RAD51B: variants seen among roughly 807,000 people sequenced by gnomAD.
The protein encoded by RAD51B is DNA repair protein RAD51 homolog 2.
In RAD51B, 38 loss-of-function variants were observed where a neutral mutation model predicts 42.2. That is an observed-to-expected ratio of 0.90 (90% confidence interval 0.70 to 1.18). RAD51B has a LOEUF of 1.18. Ranked by LOEUF, RAD51B falls within the 50% of genes most tolerant of loss-of-function variation. The pLI, the probability that RAD51B is intolerant of heterozygous loss-of-function variation, is 0.00. For synonymous variants in RAD51B, 154 were observed against 145.2 expected (o/e 1.06, Z -0.43); for missense variants, 373 against 400.7 (o/e 0.93, Z 0.59).
At chr14:68,003,494 A>G (rs1595239420) in intron 7 of RAD51B, among the ~76,000 whole-genome samples, 1 of 152,252 alleles carries the variant, frequency 6.6e-6, no homozygotes, top group East Asian at 1.9e-4. Context: ...CTCTCTTCCT[A>G]TTCGAATATC....
At chr14:67,889,602 A>T (rs2043159926) in intron 7 of RAD51B, among the ~76,000 whole-genome samples, 1 of 130,186 alleles carries the variant, frequency 7.7e-6, no homozygotes, top group Non-Finnish European at 1.6e-5. Context: ...TCTCTATTTG[A>T]ACTAGTACTA....
chr14:68,658,623 G>A (rs937204347), intron 11 of RAD51B, among the ~76,000 whole-genome samples: 6 of 152,136 alleles, frequency 3.9e-5, no homozygotes, highest in Non-Finnish European at 7.4e-5. Flanking sequence ...ATCCACAGAG[G>A]GAAACATGGA....
At chr14:68,578,484 A>G (rs1463270103) in intron 10 of RAD51B, among the ~76,000 whole-genome samples, 1 of 152,220 alleles carries the variant, frequency 6.6e-6, no homozygotes, top group Non-Finnish European at 1.5e-5. Context: ...GGCAGCTTTC[A>G]TGGAGGTTTC....
chr14:68,079,992 CAGAT>C (rs1474963457), intron 7 of RAD51B, among the ~76,000 whole-genome samples: 1 of 152,154 alleles, frequency 6.6e-6, no homozygotes, highest in Non-Finnish European at 1.5e-5. Flanking sequence ...TGGTAGTTAT[CAGAT>C]AGTTCACAAA....
chr14:67,956,355 C>T (rs1329733599), intron 7 of RAD51B, among the ~76,000 whole-genome samples: 4 of 152,088 alleles, frequency 2.6e-5, no homozygotes, highest in Non-Finnish European at 2.9e-5. Flanking sequence ...AGTATGGTGG[C>T]GGCCACCTGT....
chr14:68,574,920 G>A (rs1474045326), intron 10 of RAD51B, among the ~76,000 whole-genome samples: 1 of 151,928 alleles, frequency 6.6e-6, no homozygotes, highest in Non-Finnish European at 1.5e-5. Context: ...AAGCCCAGGA[G>A]CAAGAGAGGT....
At chr14:68,101,766 C>T (rs185372652) in intron 7 of RAD51B, among the ~76,000 whole-genome samples, 4 of 152,294 alleles carry the variant, frequency 2.6e-5, no homozygotes, top group Admixed American at 2.0e-4. Context: ...TTTCTCAGGT[C>T]TGGAGGACAG....
intron 7 of RAD51B, among the ~76,000 whole-genome samples, chr14:67,983,288 C>T (rs1595203557): frequency 6.6e-6 from 1 of 151,984 alleles, no homozygotes; most frequent in East Asian, 1.9e-4. Context: ...AAGCTCAAAT[C>T]TCATTGGTCT....
At chr14:68,534,823 A>G (rs1014091169) in intron 10 of RAD51B, among the ~76,000 whole-genome samples, 1 of 152,170 alleles carries the variant, frequency 6.6e-6, no homozygotes, top group Non-Finnish European at 1.5e-5. Flanking sequence ...CCAAGAACTA[A>G]AACAGTGCCT....
chr14:67,940,054 ATTTTTTTTTTTTTTTTTTTTTTT>A (rs1170220269), intron 7 of RAD51B, among the ~76,000 whole-genome samples: 3 of 14,544 alleles, frequency 2.1e-4, no homozygotes, highest in African/African-American at 6.8e-4. Flanking sequence ...ATATATATAT[ATTTTTTTTTTTTTTTTTTTTTTT>A]TTTTTTTTTT....
intron 7 of RAD51B, among the ~76,000 whole-genome samples, chr14:68,286,601 C>T (rs1298280966): frequency 1.3e-5 from 2 of 152,200 alleles, no homozygotes; most frequent in Non-Finnish European, 2.9e-5. Context: ...CCTGTACATT[C>T]TAGTACTCAT....
intron 9 of RAD51B, among the ~76,000 whole-genome samples, chr14:68,463,794 G>GT (rs1436331995): frequency 6.6e-6 from 1 of 152,128 alleles, no homozygotes; most frequent in Non-Finnish European, 1.5e-5. Flanking sequence ...CCACCTTCTT[G>GT]TTTGTCATTT....
At chr14:67,982,378 TTATAAG>T (rs1234258156) in intron 7 of RAD51B, among the ~76,000 whole-genome samples, 1 of 152,202 alleles carries the variant, frequency 6.6e-6, no homozygotes, top group African/African-American at 2.4e-5. Flanking sequence ...CACTAGCATA[TTATAAG>T]TATAATAAAT....
At chr14:68,210,636 ACTT>A (rs1354276393) in intron 7 of RAD51B, among the ~76,000 whole-genome samples, 2 of 152,078 alleles carry the variant, frequency 1.3e-5, no homozygotes, top group Non-Finnish European at 2.9e-5. Flanking sequence ...AAAACACTGA[ACTT>A]AAAATAGTTT....
At chr14:68,068,409 A>G (rs1248708864) in intron 7 of RAD51B, among the ~76,000 whole-genome samples, 1 of 152,148 alleles carries the variant, frequency 6.6e-6, no homozygotes, top group Non-Finnish European at 1.5e-5. Flanking sequence ...TCTTTGTAGA[A>G]TGTTCACTCA....
intron 7 of RAD51B, among the ~76,000 whole-genome samples, chr14:68,278,034 C>T (rs922652720): frequency 2.0e-5 from 3 of 152,198 alleles, no homozygotes; most frequent in Non-Finnish European, 4.4e-5. Context: ...TGAGCCACTG[C>T]GACCAGCCAG....
chr14:68,163,789 A>G (rs981080953), intron 7 of RAD51B, among the ~76,000 whole-genome samples: 1 of 152,176 alleles, frequency 6.6e-6, no homozygotes, highest in Admixed American at 6.5e-5. Context: ...ATAGAATTCA[A>G]TTTGCAGTTT....
chr14:67,974,501 A>G (rs2074953499), intron 7 of RAD51B, among the ~76,000 whole-genome samples: 1 of 152,130 alleles, frequency 6.6e-6, no homozygotes, highest in Non-Finnish European at 1.5e-5. Flanking sequence ...GAACATGTAA[A>G]TAATTTATAG....
At chr14:68,093,457 A>T (rs2077138157) in intron 7 of RAD51B, among the ~76,000 whole-genome samples, 1 of 152,032 alleles carries the variant, frequency 6.6e-6, no homozygotes, top group South Asian at 2.1e-4. Context: ...GAATTTATCC[A>T]TTTCTTCTAG....
Sources: gnomAD v4.1 joint callset for allele counts (sites outside exome capture counted in the v4.1 genomes callset) on GRCh38, gnomAD v4.1.1 for gene constraint, MANE v1.5 for transcripts, NCBI Gene and HGNC (gene_info 2026-07-23, HGNC 2026-07-21) for gene names.